The following PRKAA1 variants were observed in gnomAD, a reference collection of about 807,000 sequenced individuals.
The protein encoded by PRKAA1 is 5'-AMP-activated protein kinase catalytic subunit alpha-1.
PRKAA1 carries 23 observed loss-of-function variants against 56.9 expected under a neutral mutation model. The observed-to-expected ratio is 0.40, with a 90% CI of 0.29 to 0.57. The LOEUF is 0.57. Among genes scored for constraint, PRKAA1 ranks in the 20% least tolerant of loss-of-function variants. PRKAA1 has a pLI of 0.39. For missense variants in PRKAA1, 413 were observed against 679.7 expected (o/e 0.61, Z 4.36); for synonymous variants, 226 against 227.0 (o/e 1.00, Z 0.04).
intron 1 of PRKAA1, among the ~76,000 whole-genome samples, chr5:40,780,778 C>A (rs184916435): frequency 6.6e-6 from 1 of 152,138 alleles, no homozygotes. Context: ...TCTCTGGGCC[C>A]CCAGCAGATT....
intron 4 of PRKAA1, 63 bp downstream of exon 4, chr5:40,771,656 A>G: frequency 6.8e-7 from 1 of 1,475,740 alleles, no homozygotes; most frequent in Non-Finnish European, 9.2e-7. Context: ...AATTCTAGGT[A>G]GGTTCATTGA....
chr5:40,762,754 A>G lies in PRKAA1; in HGVS notation c.*24T>C, dbSNP rs766848274. 2.7e-5 allele frequency: 43 copies of G among 1,610,220 alleles called. No homozygotes were observed. The highest frequency in any genetic ancestry group is 3.4e-5 in the Non-Finnish European group (40 of 1,177,426). On this transcript the variant is annotated 3_prime_UTR_variant, in exon 9 of 9. Transcript: ENST00000397128. ...CTTATTATGCATGCTTATTGCTGCA[A>G]AAGAAATAAGCAAAGTTTTCTGTTT...
At chr5:40,766,892 G>A (rs182577488) in intron 6 of PRKAA1, among the ~76,000 whole-genome samples, 2 of 152,198 alleles carry the variant, frequency 1.3e-5, no homozygotes, top group Admixed American at 6.5e-5. Context: ...GATGGTGGAT[G>A]CCTGTAGTCT....
At chr5:40,769,647 G>A in intron 4 of PRKAA1, 144 bp from the exon 5 acceptor site, 1 of 651,374 alleles carries the variant, frequency 1.5e-6, no homozygotes. Context: ...GTCTATTGTA[G>A]CCAAATATTC....
At chr5:40,788,997 GC>G (rs1744610995) in intron 1 of PRKAA1, among the ~76,000 whole-genome samples, 1 of 152,080 alleles carries the variant, frequency 6.6e-6, no homozygotes, top group Non-Finnish European at 1.5e-5. Flanking sequence ...GATCACTTGA[GC>G]CCAAGAATAC....
chr5:40,771,654 G>A, intron 4 of PRKAA1, 65 bp downstream of exon 4: 1 of 1,465,934 alleles, frequency 6.8e-7, no homozygotes, highest in Non-Finnish European at 9.3e-7. Context: ...AGAATTCTAG[G>A]TAGGTTCATT....
chr5:40,783,737 C>A (rs976686753), intron 1 of PRKAA1, among the ~76,000 whole-genome samples: 1 of 151,754 alleles, frequency 6.6e-6, no homozygotes, highest in East Asian at 1.9e-4. Context: ...CCAGCCTGGG[C>A]AACAGAGCGA....
At chr5:40,775,155 G>A (rs1334105836) in intron 3 of PRKAA1, among the ~76,000 whole-genome samples, 4 of 152,282 alleles carry the variant, frequency 2.6e-5, no homozygotes, top group East Asian at 1.9e-4. Flanking sequence ...AGCCAATTCC[G>A]TCATTAATAA....
intron 2 of PRKAA1, among the ~76,000 whole-genome samples, chr5:40,776,240 A>T (rs536602017): frequency 6.6e-6 from 1 of 152,348 alleles, no homozygotes; most frequent in East Asian, 1.9e-4. Flanking sequence ...AAGAAATGAA[A>T]TGCATGGTAG....
Position 40,764,977 on chromosome 5 carries a change from A to G in PRKAA1, c.1083T>C (p.Phe361=). The change falls in exon 7 of 9, where the codon TTT becomes TTC. Residue 361 remains phenylalanine, a synonymous_variant. Transcript: ENST00000397128. ...GCCGAGTCAGGTGATGATCATCAAGAAAAGAATCAGGTGGGCTTGTCGCCA... is the reference window on the plus strand; with the variant it reads ...GCCGAGTCAGGTGATGATCATCAAGGAAAGAATCAGGTGGGCTTGTCGCCA... The part of the protein sequence containing the change: ...FYLATSPPDS[F]LDDHHLTRPH... 1.2e-6 allele frequency: 2 copies of G among 1,614,206 alleles called. No individual in the cohort carries two copies. Among genetic ancestry groups the G allele is most frequent in the African/African-American group, 1.3e-5 (1 of 75,056 alleles).
chr5:40,770,743 C>T (rs554821583), intron 4 of PRKAA1, among the ~76,000 whole-genome samples: 221 of 150,008 alleles, frequency 1.5e-3, no homozygotes, highest in Admixed American at 3.4e-3. Flanking sequence ...AGGCACGCAC[C>T]ACCATGCCCA....
At chr5:40,792,527 C>T (rs1744758403) in intron 1 of PRKAA1, among the ~76,000 whole-genome samples, 1 of 152,110 alleles carries the variant, frequency 6.6e-6, no homozygotes, top group South Asian at 2.1e-4. Context: ...TTATACTCTA[C>T]CAGCATTGTA....
chr5:40,788,688 G>C (rs574381886), intron 1 of PRKAA1, among the ~76,000 whole-genome samples: 3 of 152,194 alleles, frequency 2.0e-5, no homozygotes, highest in East Asian at 3.9e-4. Context: ...TTAGCTGAGC[G>C]TAGTGGTGCA....
In PRKAA1 at chr5:40,767,493, A is replaced by G; in HGVS notation, c.794T>C (p.Met265Thr). 6.2e-7 allele frequency: 1 copy of G among 1,612,956 alleles called. No homozygotes were observed. The highest frequency in any genetic ancestry group is 8.5e-7 in the Non-Finnish European group (1 of 1,179,208). The change falls in exon 6 of 9, where the codon ATG becomes ACG. Residue 265 changes from methionine to threonine, a missense_variant. By Grantham distance (81) the Met-to-Thr change is moderately conservative. Around this residue, in one of 9 missense-constraint regions of PRKAA1, gnomAD observed 113 missense variants for 198.6 expected, o/e 0.57. Transcript: ENST00000397128. The stretch of plus-strand genomic sequence containing the variant: ...GATATCTTTGATTGTGGCCCTCTTC[A>G]TGGGATCCACCTGCAGCATATGTTT... Reference protein sequence around the residue: ...LLKHMLQVDPMKRATIKDIRE... With the variant: ...LLKHMLQVDPTKRATIKDIRE...
At chr5:40,766,487 G>A (rs925233350) in intron 6 of PRKAA1, among the ~76,000 whole-genome samples, 1 of 152,070 alleles carries the variant, frequency 6.6e-6, no homozygotes, top group African/African-American at 2.4e-5. Context: ...ATTTGTCATC[G>A]TCATTTTTGT....
At chr5:40,774,898 A>C (rs748103181) in intron 3 of PRKAA1, 5 of 1,538,462 alleles carry the variant, frequency 3.2e-6, no homozygotes, top group African/African-American at 2.7e-5. Flanking sequence ...AGTTCCTTCC[A>C]GCTGTAAATT....
rs747144751 is a variant in PRKAA1, at chr5:40,762,679, C to T, written c.*99G>A. ...AATTGCATTCCAAAACGCCAGCCCT[C>T]GGTTATAATTATGTATAACTTGATT... On this transcript the variant is annotated 3_prime_UTR_variant, in exon 9 of 9. Coordinates refer to ENST00000397128, the MANE Select transcript of PRKAA1 (RefSeq NM_006251.6). The T allele has an allele frequency of 3.4e-6, 5 of 1,462,146 alleles. No individual in the cohort carries two copies. The highest frequency in any genetic ancestry group is 2.3e-5 in the East Asian group (1 of 43,600). 90.6% of individuals were successfully genotyped at this position (1,462,146 alleles called of 1,614,324 possible).
intron 1 of PRKAA1, among the ~76,000 whole-genome samples, chr5:40,783,620 G>T (rs769924781): frequency 2.0e-5 from 3 of 152,066 alleles, no homozygotes; most frequent in Non-Finnish European, 4.4e-5. Context: ...TTAACCAGGC[G>T]TGTTGGCACG....
chr5:40,766,734 C>T (rs1172930869), intron 6 of PRKAA1, among the ~76,000 whole-genome samples: 1 of 152,140 alleles, frequency 6.6e-6, no homozygotes, highest in African/African-American at 2.4e-5. Flanking sequence ...CATACTGGCT[C>T]ACACCTGTAA....
Sources: allele counts gnomAD v4.1 joint callset (sites outside exome capture counted in the v4.1 genomes callset), GRCh38; gene constraint gnomAD v4.1.1; regional missense constraint gnomAD v4.1.1; transcripts MANE v1.5; gene names NCBI Gene and HGNC (gene_info 2026-07-23, HGNC 2026-07-21).